Variants in LPP observed in about 807,000 individuals in gnomAD.
LPP encodes lipoma-preferred partner.
A neutral mutation model predicts 60.4 loss-of-function variants in LPP; 38 were observed. That is an observed-to-expected ratio of 0.63 (90% CI 0.49 to 0.83). The LOEUF (loss-of-function observed/expected upper bound fraction) is 0.83, where lower values mean the gene tolerates loss of function less well. LPP is among the 40% of genes least tolerant of loss of function. The probability of loss-of-function intolerance (pLI) is 0.00; values close to 1 mark genes in which losing one functional copy is unlikely to be tolerated. For missense variants in LPP, 902 were observed against 783.6 expected (o/e 1.15, Z -1.80); for synonymous variants, 328 against 290.8 (o/e 1.13, Z -1.30).
At chr3:188,248,924 C>G (rs1459992546) in intron 2 of LPP, among the ~76,000 whole-genome samples, 1 of 152,128 alleles carries the variant, frequency 6.6e-6, no homozygotes, top group Non-Finnish European at 1.5e-5. Context: ...AGTGAAATAA[C>G]ACTCAGGTTG....
intron 9 of LPP, among the ~76,000 whole-genome samples, chr3:188,796,497 A>T (rs962312626): frequency 6.6e-6 from 1 of 152,196 alleles, no homozygotes; most frequent in Non-Finnish European, 1.5e-5. Flanking sequence ...TGGAAGCAAC[A>T]TCATGAGTAA....
intron 8 of LPP, among the ~76,000 whole-genome samples, chr3:188,727,414 A>T (rs1461176528): frequency 6.6e-6 from 1 of 152,188 alleles, no homozygotes; most frequent in South Asian, 2.1e-4. Context: ...CACGGGTAAG[A>T]TATTCTGTGT....
chr3:188,673,262 GC>G (rs1352301350), intron 7 of LPP, among the ~76,000 whole-genome samples: 1 of 151,864 alleles, frequency 6.6e-6, no homozygotes, highest in Non-Finnish European at 1.5e-5. Context: ...AACTCTGAGG[GC>G]CCTGTGAGCT....
At chr3:188,820,328 A>G (rs1753633786) in intron 9 of LPP, among the ~76,000 whole-genome samples, 2 of 151,918 alleles carry the variant, frequency 1.3e-5, no homozygotes, top group Non-Finnish European at 1.5e-5. Flanking sequence ...TGAGTCAAGA[A>G]CAGAGGAGAG....
chr3:188,497,589 A>G (rs1000818447), intron 5 of LPP, among the ~76,000 whole-genome samples: 5 of 152,194 alleles, frequency 3.3e-5, no homozygotes, highest in Non-Finnish European at 5.9e-5. Flanking sequence ...TCTAAAATAT[A>G]CGCACTTCAG....
chr3:188,178,753 G>A (rs1037900019), intron 1 of LPP: 5 of 157,898 alleles, frequency 3.2e-5, no homozygotes, highest in African/African-American at 9.6e-5. Context: ...GGTGAATAAA[G>A]CCTTGTTTGG....
intron 5 of LPP, among the ~76,000 whole-genome samples, chr3:188,489,996 C>T (rs1579302850): frequency 6.6e-6 from 1 of 152,166 alleles, no homozygotes. Context: ...ACTCCAGGCC[C>T]TCCACATTAG....
intron 4 of LPP, among the ~76,000 whole-genome samples, chr3:188,462,588 ATGTGTGTGTGTGTGTGTG>A (rs71169003): frequency 1.6e-3 from 92 of 58,262 alleles, no homozygotes; most frequent in African/African-American, 4.7e-3. Flanking sequence ...ATATATATGC[ATGTGTGTGTGTGTGTGTG>A]TGTGTGTGTG....
intron 1 of LPP, among the ~76,000 whole-genome samples, chr3:188,204,749 T>C (rs1349018102): frequency 1.3e-5 from 2 of 152,158 alleles, no homozygotes; most frequent in African/African-American, 4.8e-5. Flanking sequence ...AGTTTCACAC[T>C]TCTTCCTGTG....
intron 7 of LPP, among the ~76,000 whole-genome samples, chr3:188,693,502 G>C (rs1179513694): frequency 1.3e-5 from 2 of 152,162 alleles, no homozygotes; most frequent in African/African-American, 2.4e-5. Flanking sequence ...TGAGATGAAA[G>C]GGGGGAGGCA....
chr3:188,340,521 A>G (rs959498623), intron 2 of LPP, among the ~76,000 whole-genome samples: 1 of 149,600 alleles, frequency 6.7e-6, no homozygotes, highest in Admixed American at 6.8e-5. Context: ...AAAACTTCCT[A>G]GAAGTCTTAT....
intron 4 of LPP, among the ~76,000 whole-genome samples, chr3:188,418,023 A>T (rs1468254044): frequency 2.6e-5 from 4 of 152,218 alleles, no homozygotes; most frequent in African/African-American, 9.6e-5. Flanking sequence ...TTGTAATTTT[A>T]AAATGTGTTT....
At chr3:188,276,845 G>C (rs1740002929) in intron 2 of LPP, among the ~76,000 whole-genome samples, 1 of 140,422 alleles carries the variant, frequency 7.1e-6, no homozygotes, top group Admixed American at 7.1e-5. Flanking sequence ...TCTATAGCCT[G>C]TAGAACTGTG....
intron 9 of LPP, among the ~76,000 whole-genome samples, chr3:188,805,115 T>C (rs983576835): frequency 6.6e-6 from 1 of 152,194 alleles, no homozygotes; most frequent in Admixed American, 6.5e-5. Flanking sequence ...TTGTTGAGGA[T>C]TTTTGCATTT....
chr3:188,609,243 C>G lies in LPP; in HGVS notation c.512C>G (p.Pro171Arg), dbSNP rs755321930. 9.3e-6 allele frequency: 15 copies of G among 1,613,950 alleles called. No individual in the cohort carries two copies. In the African/African-American group the frequency reaches 1.6e-4, roughly 17 times the overall value. The change falls in exon 7 of 12, where the codon CCT becomes CGT. Residue 171 changes from proline to arginine, a missense_variant. Physicochemically the swap from Pro to Arg is moderately radical, Grantham distance 103. Coordinates refer to ENST00000617246, the MANE Select transcript of LPP (RefSeq NM_001375462.1). This position sits in a 1 kb window ranked among gnomAD's most constrained non-coding sequence, Gnocchi z 6.9. ...HKRMVIPNQP[P>R]LTATKKSTLK... ...AGAATGGTCATCCCGAACCAACCCC[C>G]TCTAACAGCAACCAAGAAGTCTACA...
Position 188,804,243 on chromosome 3 carries a change from TTATATATATATATATATATATA to T in LPP, c.1410+43980_1410+44001del, listed in dbSNP as rs60989319. Among the ~76,000 whole-genome samples the T allele has an allele frequency of 9.5e-4, 36 of 37,712 alleles. 1 individual carries two copies. Among genetic ancestry groups the T allele is most frequent in the Middle Eastern group, 0.045 (2 of 44 alleles). 24.7% of individuals were successfully genotyped at this position (37,712 alleles called of 152,430 possible). A position where few individuals can be genotyped will look rare whatever the true frequency, so the allele number is the denominator to read the frequency against. ...ATTATGTTTTCAATGTAGTGCATCT[TTATATATATATATATATATATA>T]TATATATATATATATATAAAATGGA... is the stretch of plus-strand genomic sequence containing the variant. On this transcript the variant is annotated intron_variant, in intron 9 of 11. Coordinates refer to ENST00000617246, the MANE Select transcript of LPP (RefSeq NM_001375462.1).
intron 9 of LPP, among the ~76,000 whole-genome samples, chr3:188,766,323 C>T (rs1429615855): frequency 7.0e-6 from 1 of 143,380 alleles, no homozygotes; most frequent in Non-Finnish European, 1.6e-5. Context: ...TAAACTTCTA[C>T]TGATGAAAAA....
chr3:188,701,878 C>T (rs1864480351), intron 7 of LPP, among the ~76,000 whole-genome samples: 1 of 149,200 alleles, frequency 6.7e-6, no homozygotes, highest in South Asian at 2.2e-4. Flanking sequence ...CTTCCCATTA[C>T]TTAAAACAGG....
At chr3:188,415,098 T>C (rs1785847959) in intron 4 of LPP, among the ~76,000 whole-genome samples, 1 of 152,162 alleles carries the variant, frequency 6.6e-6, no homozygotes, top group Admixed American at 6.6e-5. Flanking sequence ...TAATTAATGC[T>C]GATTTGTGTG....
Sources: allele counts gnomAD v4.1 joint callset (sites outside exome capture counted in the v4.1 genomes callset), GRCh38; gene constraint gnomAD v4.1.1; non-coding constraint Gnocchi (gnomAD v3.1); transcripts MANE v1.5; gene names NCBI Gene and HGNC (gene_info 2026-07-23, HGNC 2026-07-21).